NWD1: variants seen among roughly 807,000 people sequenced by gnomAD.
NWD1 encodes the protein NACHT domain- and WD repeat-containing protein 1.
Under a neutral mutation model 135.1 loss-of-function variants are expected in NWD1, and 129 were observed. The observed-to-expected ratio is 0.96, with a 90% CI of 0.83 to 1.11. NWD1 has a LOEUF of 1.11. NWD1 is among the 50% of genes least tolerant of loss of function. The pLI is 0.00. For missense variants in NWD1, 1,740 were observed against 1,851.3 expected (o/e 0.94, Z 1.10); for synonymous variants, 773 against 786.0 (o/e 0.98, Z 0.28).
chr19:16,774,772 C>T (rs1288087003), intron 11 of NWD1, among the ~76,000 whole-genome samples: 3 of 151,940 alleles, frequency 2.0e-5, no homozygotes, highest in South Asian at 2.1e-4. Context: ...TTCCTCTCTT[C>T]TATCCACCCA....
chr19:16,797,595 G>A lies in NWD1; in HGVS notation c.3305-137G>A, dbSNP rs111789529. 712 of 729,704 alleles carry A rather than the reference G, an allele frequency of 9.8e-4. 1 individual carries two copies. In the African/African-American group the frequency reaches 0.011, roughly 11 times the overall value. 45.2% of individuals were successfully genotyped at this position (729,704 alleles called of 1,614,324 possible). On this transcript the variant is annotated intron_variant, in intron 15 of 18. Coordinates refer to ENST00000524140, the MANE Select transcript of NWD1 (RefSeq NM_001007525.5). ...ACTCCTGACCTCGAGTGATCTGCCC[G>A]CCTTGGCGTCCCAAAGTGCTGGGAT...
Position 16,720,253 on chromosome 19 carries a change from GGACA to G in NWD1, c.-140_-137del, listed in dbSNP as rs1220567571. ...GGCTCATGGAATTCACTTTCTCGTG[GGACA>G]GACAAACAATAACATGTAGAAACAT... On this transcript the variant is annotated 5_prime_UTR_variant, in exon 1 of 19. The change abolishes the stop of an existing upstream ORF in the 5' untranslated region. Coordinates refer to ENST00000524140, the MANE Select transcript of NWD1 (RefSeq NM_001007525.5). The G allele has an allele frequency of 5.9e-5, 9 of 152,300 alleles. No homozygotes were observed. The highest frequency in any genetic ancestry group is 1.0e-4 in the Non-Finnish European group (7 of 68,044). 9.4% of individuals were successfully genotyped at this position (152,300 alleles called of 1,614,324 possible).
In NWD1 at chr19:16,810,040, G is replaced by T. The variant is rs116672365; in HGVS notation, c.4287+1904G>T. 5.9e-3 allele frequency among the ~76,000 whole-genome samples: 891 copies of T among 152,198 alleles called. 7 individuals are homozygous for T. The highest frequency in any genetic ancestry group is 0.021 in the African/African-American group (853 of 41,524). ...ACAGTGAGCTCTGTCTGGGCAAAAG[G>T]ATTTTTTTGTGTGTGTGTTTTGCTC... On this transcript the variant is annotated intron_variant, in intron 18 of 18. Transcript: ENST00000524140.
chr19:16,778,497 T>C (rs113195808), intron 11 of NWD1, among the ~76,000 whole-genome samples: 2,768 of 82,592 alleles, frequency 0.034, 109 homozygotes, highest in African/African-American at 0.094. Context: ...TCTTCTTCTT[T>C]TTTTTTTTTT....
intron 14 of NWD1, among the ~76,000 whole-genome samples, chr19:16,793,309 CT>C (rs1179755029): frequency 6.6e-6 from 1 of 152,074 alleles, no homozygotes; most frequent in Non-Finnish European, 1.5e-5. Flanking sequence ...TCATGGCTCC[CT>C]GCAGCCTCGA....
intron 11 of NWD1, among the ~76,000 whole-genome samples, chr19:16,777,774 G>T (rs1388404863): frequency 3.0e-5 from 2 of 66,872 alleles, no homozygotes; most frequent in African/African-American, 6.3e-5. Context: ...TAGGGAAGAG[G>T]AGGGAAGGGG....
chr19:16,736,797 T>C, intron 4 of NWD1, 47 bp downstream of exon 4: 1 of 1,101,094 alleles, frequency 9.1e-7, no homozygotes, highest in Non-Finnish European at 1.3e-6. Flanking sequence ...CTCCAGGATA[T>C]GCCCCCTGCT....
chr19:16,790,438 T>G (rs777430112), intron 13 of NWD1, among the ~76,000 whole-genome samples: 2 of 151,436 alleles, frequency 1.3e-5, no homozygotes, highest in Non-Finnish European at 2.9e-5. Context: ...ACCAACCAGA[T>G]GTACCTATTA....
At chr19:16,741,039 A>C (rs1037100079) in intron 4 of NWD1, among the ~76,000 whole-genome samples, 1 of 152,198 alleles carries the variant, frequency 6.6e-6, no homozygotes, top group Non-Finnish European at 1.5e-5. Context: ...GGGTGCCTAT[A>C]ATCCCAGCTA....
At chr19:16,796,752 C>T (rs896965340) in intron 15 of NWD1, among the ~76,000 whole-genome samples, 2 of 152,068 alleles carry the variant, frequency 1.3e-5, no homozygotes, top group South Asian at 2.1e-4. Context: ...TTCCTTCCAT[C>T]ATAGTTATCA....
At chr19:16,793,542 C>CT (rs535575082) in intron 14 of NWD1, among the ~76,000 whole-genome samples, 2,162 of 144,848 alleles carry the variant, frequency 0.015, 21 homozygotes, top group African/African-American at 0.028. Flanking sequence ...TGTTTTTTAC[C>CT]TTTTTTTTTT....
chr19:16,789,108 C>CA lies in NWD1; in HGVS notation c.2864dup (p.Asn955LysfsTer4). On this transcript the variant is annotated frameshift_variant, in exon 13 of 19. Coordinates refer to ENST00000524140, the MANE Select transcript of NWD1 (RefSeq NM_001007525.5). LOFTEE classifies it high-confidence loss of function. ...AAATTTACCATTTGGGATGGAGGCT[C>CA]AAAAAATCCCGCTGAACCTCAGATC... 6.2e-7 allele frequency: 1 copy of CA among 1,613,914 alleles called. No homozygotes were observed. Among genetic ancestry groups the CA allele is most frequent in the Non-Finnish European group, 8.5e-7 (1 of 1,179,912 alleles).
intron 18 of NWD1, among the ~76,000 whole-genome samples, chr19:16,811,322 GC>G (rs1970916712): frequency 6.6e-6 from 1 of 152,152 alleles, no homozygotes; most frequent in African/African-American, 2.4e-5. Flanking sequence ...AGTGGCTCAT[GC>G]CTGTAATCCT....
chr19:16,740,192 C>T (rs533439908), intron 4 of NWD1, among the ~76,000 whole-genome samples: 27 of 151,544 alleles, frequency 1.8e-4, no homozygotes, highest in Non-Finnish European at 3.4e-4. Flanking sequence ...CTAGCTGCTC[C>T]GGAGGCTGAG....
At position 16,763,835 on chromosome 19, in the gene NWD1, C is replaced by T. The variant is rs149947650; in HGVS notation, c.2141C>T (p.Pro714Leu). ...TCCCTTCTCCTCTGCCAGGTGGCCCCGCAGCCTCTGTGGTTCTCACATACG... is the reference window on the plus strand; with the variant it reads ...TCCCTTCTCCTCTGCCAGGTGGCCCTGCAGCCTCTGTGGTTCTCACATACG... ...KPLNLDRKVAPQPLWFSHTVA... is the reference protein window; with the variant it reads ...KPLNLDRKVALQPLWFSHTVA... The change falls in exon 9 of 19, where the codon CCG (proline) becomes CTG (leucine). Residue 714 changes from proline to leucine, a missense_variant. Physicochemically the swap from Pro to Leu is moderately conservative, Grantham distance 98. Transcript: ENST00000524140. 1.4e-4 allele frequency: 220 copies of T among 1,611,902 alleles called. No homozygotes were observed. Among genetic ancestry groups the T allele is most frequent in the Middle Eastern group, 5.0e-4 (3 of 6,052 alleles).
rs142669651 is a variant in NWD1, at chr19:16,744,983, C to A, written c.496+265C>A. On this transcript the variant is annotated intron_variant, in intron 5 of 18. Transcript: ENST00000524140. ...CCCAGGGAGGTTCCTGGCACAGGGGCCGTATTAGTCTGTTCTCATGCCACT... is the reference window on the plus strand; with the variant it reads ...CCCAGGGAGGTTCCTGGCACAGGGGACGTATTAGTCTGTTCTCATGCCACT... 463 of 632,068 alleles carry A rather than the reference C, an allele frequency of 7.3e-4. 3 individuals are homozygous for A. The African/African-American group carries it at 7.4e-3, about 10-fold the overall frequency. The allele number at this position is 632,068 out of a possible 1,614,324, so 39.2% of individuals were successfully genotyped here.
chr19:16,744,178 C>G (rs1177153152), intron 4 of NWD1, among the ~76,000 whole-genome samples: 2 of 152,046 alleles, frequency 1.3e-5, no homozygotes, highest in African/African-American at 4.8e-5. Flanking sequence ...CCCTTGAGTA[C>G]AGGAGTTCAA....
At position 16,797,725 on chromosome 19, in the gene NWD1, G is replaced by A. The variant is rs377206904; in HGVS notation, c.3305-7G>A. ...GAGAGGTGTAACCCCAGTTCCTGCC[G>A]TTTCAGGCTTTGGAAGATCGGTGCG... On this transcript the variant is annotated splice_region_variant and splice_polypyrimidine_tract_variant and intron_variant, in intron 15 of 18. Coordinates refer to ENST00000524140, the MANE Select transcript of NWD1 (RefSeq NM_001007525.5). The A allele has an allele frequency of 2.5e-5, 41 of 1,612,906 alleles. No homozygotes were observed. The highest frequency in any genetic ancestry group is 6.7e-5 in the East Asian group (3 of 44,878).
intron 1 of NWD1, among the ~76,000 whole-genome samples, chr19:16,721,974 A>C (rs1967152358): frequency 6.6e-6 from 1 of 151,914 alleles, no homozygotes; most frequent in African/African-American, 2.4e-5. Context: ...TAAGCCTAGC[A>C]TGGTGGCACA....
Sources: gnomAD v4.1 joint callset for allele counts (sites outside exome capture counted in the v4.1 genomes callset) on GRCh38, gnomAD v4.1.1 for gene constraint, MANE v1.5 for transcripts, NCBI Gene and HGNC (gene_info 2026-07-23, HGNC 2026-07-21) for gene names.